ABCB5: variants seen among roughly 807,000 people sequenced by gnomAD.
ABCB5 encodes ATP-binding cassette sub-family B member 5.
In ABCB5, 155 loss-of-function variants were observed where a neutral mutation model predicts 144.2. The observed-to-expected ratio is 1.08, with a 90% CI of 0.94 to 1.23. The LOEUF is 1.23. Among genes scored for constraint, ABCB5 ranks in the 50% most tolerant of loss-of-function variants. The pLI is 0.00. For missense variants in ABCB5, 1,830 were observed against 1,520.8 expected, an observed-to-expected ratio of 1.20 and a Z score of -3.38; for synonymous variants, 610 against 528.6, an observed-to-expected ratio of 1.15 and a Z score of -2.11.
At position 20,698,482 on chromosome 7, in the gene ABCB5, A is replaced by G; in HGVS notation, c.2086A>G (p.Thr696Ala). Reference protein sequence around the residue: ...KPEWPFVVLGTLASVLNGTVH... With the variant: ...KPEWPFVVLGALASVLNGTVH... ...TGAATGGCCTTTTGTGGTTCTGGGG[A>G]CATTGGCTTCTGTTCTAAATGGAAC... The change falls in exon 17 of 28, where the codon ACA becomes GCA. Residue 696 changes from threonine to alanine, a missense_variant. Coordinates refer to ENST00000404938, the MANE Select transcript of ABCB5 (RefSeq NM_001163941.2). 6.2e-7 allele frequency: 1 copy of G among 1,606,082 alleles called. No homozygotes were observed. Among genetic ancestry groups the G allele is most frequent in the Non-Finnish European group, 8.5e-7 (1 of 1,177,560 alleles).
intron 14 of ABCB5, among the ~76,000 whole-genome samples, chr7:20,676,988 T>C (rs1351302266): frequency 6.6e-6 from 1 of 152,200 alleles, no homozygotes; most frequent in Non-Finnish European, 1.5e-5. Flanking sequence ...CTATAATCTA[T>C]ATATACTGCT....
chr7:20,746,843 T>G (rs1397830342), intron 26 of ABCB5, among the ~76,000 whole-genome samples: 2 of 152,190 alleles, frequency 1.3e-5, no homozygotes, highest in African/African-American at 2.4e-5. Flanking sequence ...AGGGGCGAAT[T>G]TCTACATGTG....
At chr7:20,697,063 G>A (rs898836699) in intron 16 of ABCB5, among the ~76,000 whole-genome samples, 4 of 152,074 alleles carry the variant, frequency 2.6e-5, no homozygotes, top group Non-Finnish European at 2.9e-5. Context: ...GATAGTTAGC[G>A]TGCAACTTTT....
chr7:20,730,638 A>T (rs1045722711), intron 23 of ABCB5, among the ~76,000 whole-genome samples: 3 of 152,216 alleles, frequency 2.0e-5, no homozygotes, highest in Admixed American at 6.5e-5. Flanking sequence ...CTTGGGTTTC[A>T]TTCTGATTAC....
At chr7:20,708,112 A>G (rs1176891309) in intron 20 of ABCB5, among the ~76,000 whole-genome samples, 1 of 152,010 alleles carries the variant, frequency 6.6e-6, no homozygotes, top group African/African-American at 2.4e-5. Flanking sequence ...CGGTAACCTC[A>G]TTTCTTAATT....
rs1406991662 is a variant in ABCB5, at chr7:20,702,898, G to A, written c.2338-1826G>A. 2.1e-5 allele frequency among the ~76,000 whole-genome samples: 3 copies of A among 143,652 alleles called. No homozygotes were observed. In the Admixed American group the frequency reaches 2.2e-4, roughly 10 times the overall value. The allele number at this position is 143,652 out of a possible 152,430, so 94.2% of individuals were successfully genotyped here. Reference sequence around the variant, plus strand: ...TCACCATGTTAGCCAAGATGGTCTCGATCTCCTGACCTCGTGATCCACCCA... The same window carrying A: ...TCACCATGTTAGCCAAGATGGTCTCAATCTCCTGACCTCGTGATCCACCCA... On this transcript the variant is annotated intron_variant, in intron 19 of 27. Coordinates refer to ENST00000404938, the MANE Select transcript of ABCB5 (RefSeq NM_001163941.2).
At chr7:20,684,005 G>C (rs1189100799) in intron 15 of ABCB5, among the ~76,000 whole-genome samples, 1 of 152,050 alleles carries the variant, frequency 6.6e-6, no homozygotes, top group African/African-American at 2.4e-5. Context: ...TAAATTCTCA[G>C]TGCATCAATT....
At position 20,739,247 on chromosome 7, in the gene ABCB5, T is replaced by G. The variant is rs1009454349; in HGVS notation, c.3024+108T>G. ...GGGGCAAGGGCTGAAAAACTAACCATTGGGTGCTATACTCAGTACCTGTGT... is the reference window on the plus strand; with the variant it reads ...GGGGCAAGGGCTGAAAAACTAACCAGTGGGTGCTATACTCAGTACCTGTGT... On this transcript the variant is annotated intron_variant, in intron 24 of 27. Coordinates refer to ENST00000404938, the MANE Select transcript of ABCB5 (RefSeq NM_001163941.2). The G allele has an allele frequency of 4.3e-6, 5 of 1,161,060 alleles. No individual in the cohort carries two copies. In the African/African-American group the frequency reaches 6.2e-5, roughly 14 times the overall value. The allele number at this position is 1,161,060 out of a possible 1,614,324, so 71.9% of individuals were successfully genotyped here.
At chr7:20,667,276 T>C (rs1785231535) in intron 14 of ABCB5, 1 of 984,058 alleles carries the variant, frequency 1.0e-6, no homozygotes, top group Non-Finnish European at 1.2e-6. Flanking sequence ...ATGACACAGA[T>C]GAAATGCTTG....
chr7:20,699,700 C>G, intron 17 of ABCB5, 125 bp from the exon 18 acceptor site: 2 of 621,272 alleles, frequency 3.2e-6, no homozygotes, highest in Non-Finnish European at 2.6e-6. Context: ...GAGCAAGATT[C>G]TGTCTCATAA....
intron 14 of ABCB5, among the ~76,000 whole-genome samples, chr7:20,668,595 G>A (rs1417175279): frequency 4.5e-4 from 67 of 149,604 alleles, no homozygotes; most frequent in Non-Finnish European, 4.4e-5. Context: ...GGAGGTGGGG[G>A]GGGGGGTCAG....
chr7:20,745,980 C>T (rs1782707855), intron 26 of ABCB5, among the ~76,000 whole-genome samples: 1 of 152,254 alleles, frequency 6.6e-6, no homozygotes, highest in African/African-American at 2.4e-5. Context: ...TTTGCTGCAG[C>T]TGAGCTGGTC....
intron 4 of ABCB5, among the ~76,000 whole-genome samples, chr7:20,629,949 T>C (rs1784001053): frequency 6.6e-6 from 1 of 152,152 alleles, no homozygotes; most frequent in African/African-American, 2.4e-5. Context: ...ACAGATACCC[T>C]GAATTGGTGG....
chr7:20,753,332 C>G, intron 26 of ABCB5, 28 bp from the exon 27 acceptor site: 1 of 1,580,728 alleles, frequency 6.3e-7, no homozygotes. Context: ...CCAAGACTTG[C>G]TTTCTTAATT....
In ABCB5 at chr7:20,672,279, G is replaced by A. The variant is rs1256957041; in HGVS notation, c.1708-9226G>A. ...GGCTTGGCTTTCTATTGTCTTAAGT[G>A]TGTCTTCCAAAGGCCAGGAATTTTT... is the stretch of plus-strand genomic sequence containing the variant. On this transcript the variant is annotated intron_variant, in intron 14 of 27. Transcript: ENST00000404938. Among the ~76,000 whole-genome samples, 5 of 151,884 alleles carry A rather than the reference G, an allele frequency of 3.3e-5. No individual in the cohort carries two copies. The East Asian group carries it at 9.7e-4, about 29-fold the overall frequency.
chr7:20,635,728 T>A (rs1439617413), intron 5 of ABCB5, among the ~76,000 whole-genome samples: 3 of 152,166 alleles, frequency 2.0e-5, no homozygotes, highest in Non-Finnish European at 4.4e-5. Flanking sequence ...ATAGAAATGT[T>A]ACAGATTTTT....
At chr7:20,707,838 C>G (rs1205791267) in intron 20 of ABCB5, among the ~76,000 whole-genome samples, 1 of 124,260 alleles carries the variant, frequency 8.0e-6, no homozygotes, top group Non-Finnish European at 1.7e-5. Context: ...CGGGGTCTCG[C>G]TCTCGCCCAG....
At chr7:20,620,374 AC>A (rs1294687920) in intron 1 of ABCB5, among the ~76,000 whole-genome samples, 1 of 152,174 alleles carries the variant, frequency 6.6e-6, no homozygotes, top group Admixed American at 6.5e-5. Context: ...CCAAAAACAC[AC>A]ACAAAAACAA....
At chr7:20,753,174 T>C (rs565907320) in intron 26 of ABCB5, among the ~76,000 whole-genome samples, 186 bp from the exon 27 acceptor site, 3 of 152,318 alleles carry the variant, frequency 2.0e-5, no homozygotes, top group South Asian at 2.1e-4. Flanking sequence ...GTAAATGAGA[T>C]GGTAGTGTTT....
Sources: gnomAD v4.1 joint callset for allele counts (sites outside exome capture counted in the v4.1 genomes callset) on GRCh38, gnomAD v4.1.1 for gene constraint, MANE v1.5 for transcripts, NCBI Gene and HGNC (gene_info 2026-07-23, HGNC 2026-07-21) for gene names.